The following CHRM3 variants were observed in gnomAD, a reference collection of about 807,000 sequenced individuals.
The protein encoded by CHRM3 is muscarinic acetylcholine receptor M3.
CHRM3 carries 11 observed loss-of-function variants against 41.8 expected under a neutral mutation model. The observed-to-expected ratio is 0.26, with a 90% CI of 0.17 to 0.44. The LOEUF (loss-of-function observed/expected upper bound fraction) is 0.44, where lower values mean the gene tolerates loss of function less well. CHRM3 is among the 20% of genes least tolerant of loss of function. CHRM3 has a pLI of 1.00. For missense variants in CHRM3, 571 were observed against 745.4 expected (o/e 0.77, Z 2.72); for synonymous variants, 297 against 301.4 (o/e 0.99, Z 0.15).
chr1:239,572,389 C>T (rs1005534690), intron 3 of CHRM3, among the ~76,000 whole-genome samples: 2 of 152,160 alleles, frequency 1.3e-5, no homozygotes, highest in Non-Finnish European at 2.9e-5. Flanking sequence ...AACTGAGAAG[C>T]TTGAGTCATC....
intron 4 of CHRM3, among the ~76,000 whole-genome samples, chr1:239,658,469 A>G (rs1336059780): frequency 6.6e-6 from 1 of 152,190 alleles, no homozygotes; most frequent in Non-Finnish European, 1.5e-5. Flanking sequence ...GCCATGCCTA[A>G]TGCAAGATAA....
intron 1 of CHRM3, among the ~76,000 whole-genome samples, chr1:239,395,430 T>C (rs1048757426): frequency 2.6e-5 from 4 of 152,188 alleles, no homozygotes; most frequent in Admixed American, 6.5e-5. Context: ...TCAAATGTTA[T>C]GAATAAATCA....
chr1:239,902,920 G>A (rs1679691456), intron 6 of CHRM3, among the ~76,000 whole-genome samples: 1 of 152,050 alleles, frequency 6.6e-6, no homozygotes, highest in East Asian at 1.9e-4. Flanking sequence ...GAAAAGGACT[G>A]GAACATTTTT....
At chr1:239,778,057 C>T (rs562253601) in intron 5 of CHRM3, among the ~76,000 whole-genome samples, 5 of 152,162 alleles carry the variant, frequency 3.3e-5, no homozygotes, top group African/African-American at 1.2e-4. Flanking sequence ...GAAATCACCA[C>T]TAAAGAACTT....
rs150936391 is a variant in CHRM3, at chr1:239,696,332, G to A, written c.-147+18044G>A. ...TGTGCTATAAAAAGTGCTGCCTTTTGTAAACTGTAAAGTACTATAAAAATT... is the reference window on the plus strand; with the variant it reads ...TGTGCTATAAAAAGTGCTGCCTTTTATAAACTGTAAAGTACTATAAAAATT... On this transcript the variant is annotated intron_variant, in intron 5 of 6. Transcript: ENST00000676153. Among the ~76,000 whole-genome samples, 4 of 152,226 alleles carry A rather than the reference G, an allele frequency of 2.6e-5. No individual in the cohort carries two copies. The East Asian group carries it at 7.7e-4, about 29-fold the overall frequency.
intron 3 of CHRM3, among the ~76,000 whole-genome samples, chr1:239,616,860 TCCATTAG>T (rs1667691452): frequency 8.9e-6 from 1 of 112,474 alleles, no homozygotes; most frequent in African/African-American, 4.6e-5. Flanking sequence ...ATATTCCAAA[TCCATTAG>T]TCATTGTTGT....
chr1:239,466,027 T>A (rs1665703960), intron 1 of CHRM3, among the ~76,000 whole-genome samples: 2 of 152,168 alleles, frequency 1.3e-5, no homozygotes, highest in African/African-American at 2.4e-5. Flanking sequence ...AGAGTCTCTC[T>A]TTGTCACCCA....
At chr1:239,409,526 G>T (rs934998560) in intron 1 of CHRM3, among the ~76,000 whole-genome samples, 17 of 152,084 alleles carry the variant, frequency 1.1e-4, no homozygotes, top group African/African-American at 4.1e-4. Flanking sequence ...AAAACCTTTG[G>T]GCTCTGAATA....
chr1:239,763,022 A>G (rs1207031042), intron 5 of CHRM3, among the ~76,000 whole-genome samples: 4 of 152,106 alleles, frequency 2.6e-5, no homozygotes, highest in Non-Finnish European at 5.9e-5. Flanking sequence ...TTATTTTAAG[A>G]GCACCAGAAT....
In CHRM3 at chr1:239,908,934, G is replaced by A; in HGVS notation, c.1483G>A (p.Ala495Thr). Residue 495 changes from alanine to threonine, a missense_variant, in exon 7 of 7, where the codon GCG becomes ACG. Ala to Thr is a moderately conservative substitution (Grantham distance 58). Around this residue, in one of 5 missense-constraint regions of CHRM3, gnomAD observed 43 missense variants for 93.7 expected, o/e 0.46. Coordinates refer to ENST00000676153, the MANE Select transcript of CHRM3 (RefSeq NM_001375978.1). This position sits in a 1 kb window ranked among gnomAD's most constrained non-coding sequence, Gnocchi z 7.2. ...KEKKAAQTLS[A>T]ILLAFIITWT... ...GAAGAAAGCGGCCCAGACCCTCAGTGCGATCTTGCTTGCCTTCATCATCAC... is the reference window on the plus strand; with the variant it reads ...GAAGAAAGCGGCCCAGACCCTCAGTACGATCTTGCTTGCCTTCATCATCAC... 1 of 1,614,116 alleles carries A rather than the reference G, an allele frequency of 6.2e-7. No homozygotes were observed. Among genetic ancestry groups the A allele is most frequent in the Non-Finnish European group, 8.5e-7 (1 of 1,180,038 alleles).
intron 6 of CHRM3, among the ~76,000 whole-genome samples, chr1:239,879,610 A>G (rs912563343): frequency 4.6e-5 from 7 of 152,224 alleles, no homozygotes; most frequent in Non-Finnish European, 1.0e-4. Context: ...GACACAGGGC[A>G]CTGTTTTCCC....
chr1:239,544,370 AT>A (rs1007602631), intron 2 of CHRM3, among the ~76,000 whole-genome samples: 2 of 152,052 alleles, frequency 1.3e-5, no homozygotes, highest in East Asian at 3.9e-4. Context: ...TAAAACGTGG[AT>A]TTTTTTCTTT....
At chr1:239,842,858 C>T (rs906556630) in intron 6 of CHRM3, among the ~76,000 whole-genome samples, 6 of 152,122 alleles carry the variant, frequency 3.9e-5, no homozygotes, top group African/African-American at 1.4e-4. Flanking sequence ...GGTCACCATC[C>T]GGGATTCAGA....
chr1:239,823,635 A>G (rs1041970027), intron 5 of CHRM3, among the ~76,000 whole-genome samples: 2 of 152,140 alleles, frequency 1.3e-5, no homozygotes, highest in African/African-American at 4.8e-5. Flanking sequence ...CACTGAAATC[A>G]TCCTTCAGAA....
At chr1:239,563,730 A>G (rs1661098513) in intron 3 of CHRM3, among the ~76,000 whole-genome samples, 1 of 152,178 alleles carries the variant, frequency 6.6e-6, no homozygotes, top group Non-Finnish European at 1.5e-5. Flanking sequence ...TGCAGAGGTA[A>G]GTACTCATCT....
rs1407900577 is a variant in CHRM3 at position 239,908,407 on chromosome 1, G to A, written c.956G>A (p.Ser319Asn). 4 of 1,614,060 alleles carry A rather than the reference G, an allele frequency of 2.5e-6. No individual in the cohort carries two copies. The highest frequency in any genetic ancestry group is 2.2e-5 in the South Asian group (2 of 91,076). The change falls in exon 7 of 7, where the codon AGC (serine) becomes AAC (asparagine). Residue 319 changes from serine (S) to asparagine (N), a missense_variant. Physicochemically the swap from Ser to Asn is conservative, Grantham distance 46 (BLOSUM62 1). Transcript: ENST00000676153. This position sits in a 1 kb window ranked among gnomAD's most constrained non-coding sequence, Gnocchi z 7.2. Reference protein sequence around the residue: ...GRCHFWFTTKSWKPSSEQMDQ... With the variant: ...GRCHFWFTTKNWKPSSEQMDQ... ...TGCCACTTCTGGTTCACAACCAAGA[G>A]CTGGAAACCCAGCTCCGAGCAGATG...
At chr1:239,685,715 G>A (rs372597757) in intron 5 of CHRM3, among the ~76,000 whole-genome samples, 24 of 152,232 alleles carry the variant, frequency 1.6e-4, no homozygotes, top group African/African-American at 5.5e-4. Flanking sequence ...CCAGCTACAC[G>A]GGAGGCTGAG....
chr1:239,876,177 G>C (rs1363355026), intron 6 of CHRM3, among the ~76,000 whole-genome samples: 3 of 152,146 alleles, frequency 2.0e-5, no homozygotes, highest in Non-Finnish European at 2.9e-5. Flanking sequence ...CCATTCTATA[G>C]GAATTATTTG....
In CHRM3 at chr1:239,558,267, C is replaced by T. The variant is rs140869358; in HGVS notation, c.-313+12518C>T. 2.6e-5 allele frequency among the ~76,000 whole-genome samples: 4 copies of T among 152,228 alleles called. No homozygotes were observed. The East Asian group carries it at 7.7e-4, about 29-fold the overall frequency. On this transcript the variant is annotated intron_variant, in intron 3 of 6. Coordinates refer to ENST00000676153, the MANE Select transcript of CHRM3 (RefSeq NM_001375978.1). The stretch of plus-strand genomic sequence containing the variant: ...GTTTTTTTCATATGGTTGTTGGCTG[C>T]ATGTATGTCTTCTTTTGAGAAGTGT...
Sources: allele counts gnomAD v4.1 joint callset (sites outside exome capture counted in the v4.1 genomes callset), GRCh38; gene constraint gnomAD v4.1.1; regional missense constraint gnomAD v4.1.1; non-coding constraint Gnocchi (gnomAD v3.1); transcripts MANE v1.5; gene names NCBI Gene and HGNC (gene_info 2026-07-23, HGNC 2026-07-21).